DCP1B: variants seen among roughly 807,000 people sequenced by gnomAD.
DCP1B encodes the protein decapping mRNA 1B, also known as mRNA-decapping enzyme 1B.
In DCP1B, 47 loss-of-function variants were observed where a neutral mutation model predicts 60.5. The observed-to-expected ratio is 0.78, with a 90% CI of 0.61 to 0.99. The LOEUF (loss-of-function observed/expected upper bound fraction) is 0.99. DCP1B is among the 50% of genes least tolerant of loss of function. The pLI, the probability that DCP1B is intolerant of heterozygous loss-of-function variation, is 0.00. For missense variants in DCP1B, 725 were observed against 756.8 expected (o/e 0.96, Z 0.49); for synonymous variants, 267 against 280.3 (o/e 0.95, Z 0.47).
intron 7 of DCP1B, chr12:1,950,378 C>T: frequency 2.8e-6 from 2 of 702,344 alleles, no homozygotes; most frequent in Non-Finnish European, 5.2e-6. Context: ...TTTGTGAGTA[C>T]TGAAAAGTCA....
chr12:2,000,738 T>A (rs957375149), intron 1 of DCP1B, among the ~76,000 whole-genome samples: 1 of 152,130 alleles, frequency 6.6e-6, no homozygotes, highest in African/African-American at 2.4e-5. Context: ...AGTTTCTCCA[T>A]TGAAAAGAGA....
At chr12:1,992,862 CAA>C in intron 3 of DCP1B, 1 of 423,434 alleles carries the variant, frequency 2.4e-6, no homozygotes, top group Non-Finnish European at 4.2e-6. Context: ...CTCACTCGGC[CAA>C]AAGTGATACA....
At position 1,949,277 on chromosome 12, in the gene DCP1B, TG is replaced by T. The variant is rs773965946; in HGVS notation, c.1581del (p.Met528TrpfsTer44). 2 of 1,613,964 alleles carry T rather than the reference TG, an allele frequency of 1.2e-6. No homozygotes were observed. The highest frequency in any genetic ancestry group is 1.7e-6 in the Non-Finnish European group (2 of 1,179,988). On this transcript the variant is annotated frameshift_variant, in exon 8 of 9. Transcript: ENST00000280665. LOFTEE classifies it high-confidence loss of function. ...ACGGAGGTGGGTTGTGCGAACACCA[TG>T]GGGGACATAAGCAGAGACGGAGCTG... ...ATAAPSLLMS[P>X]MVFAQPTSVP...
chr12:1,972,937 C>T (rs545975352), intron 3 of DCP1B, among the ~76,000 whole-genome samples: 87 of 152,298 alleles, frequency 5.7e-4, no homozygotes, highest in Middle Eastern at 3.4e-3. Flanking sequence ...GCAGCAATGA[C>T]GCTGCCTGTG....
At chr12:1,950,493 TAAC>T in intron 7 of DCP1B, 1 of 690,386 alleles carries the variant, frequency 1.4e-6, no homozygotes, top group East Asian at 2.7e-5. Context: ...AAAGGGACAA[TAAC>T]ACTGAAATGA....
Position 1,967,928 on chromosome 12 carries a change from C to T in DCP1B, c.320-18G>A, listed in dbSNP as rs1474275442. 1.2e-6 allele frequency: 2 copies of T among 1,603,936 alleles called. No homozygotes were observed. The highest frequency in any genetic ancestry group is 2.2e-5 in the South Asian group (2 of 89,298). On this transcript the variant is annotated intron_variant, in intron 3 of 8. Transcript: ENST00000280665. ...GATGGACACTGCAAAAAACACACAT[C>T]AAACAAATTATGAGCATCTTCAAAA...
intron 5 of DCP1B, chr12:1,961,235 T>C (rs1441052536): frequency 1.3e-5 from 2 of 152,078 alleles, no homozygotes; most frequent in Non-Finnish European, 2.9e-5. Context: ...CAAATATTTG[T>C]AGAGGGTAGT....
downstream of DCP1B, chr12:1,945,968 A>G (rs2030403917): frequency 3.4e-6 from 1 of 296,214 alleles, no homozygotes; most frequent in African/African-American, 2.2e-5. Flanking sequence ...CCACCATGGC[A>G]TGTGTATACC....
intron 2 of DCP1B, among the ~76,000 whole-genome samples, chr12:1,997,478 G>A (rs74768843): frequency 0.16 from 23,674 of 152,246 alleles, 1,943 homozygotes; most frequent in East Asian, 0.21. Flanking sequence ...CAAGAGCTGT[G>A]ATCGTGCCAC....
intron 3 of DCP1B, among the ~76,000 whole-genome samples, chr12:1,985,240 C>T (rs1312818152): frequency 6.6e-6 from 1 of 152,066 alleles, no homozygotes; most frequent in Non-Finnish European, 1.5e-5. Flanking sequence ...ACTTCAATGG[C>T]ACAAATTAGA....
chr12:1,966,341 G>A (rs553726381), intron 4 of DCP1B, among the ~76,000 whole-genome samples: 203 of 152,304 alleles, frequency 1.3e-3, no homozygotes, highest in Non-Finnish European at 1.8e-3. Flanking sequence ...TTAGAGCAAC[G>A]AGGAGTTCTT....
chr12:1,953,409 G>T, intron 6 of DCP1B, 121 bp from the exon 7 acceptor site: 1 of 1,159,300 alleles, frequency 8.6e-7, no homozygotes, highest in Non-Finnish European at 1.1e-6. Context: ...TAGAGAGAAT[G>T]AAAAATAATA....
intron 6 of DCP1B, 126 bp from the exon 7 acceptor site, chr12:1,953,414 A>G (rs1426120439): frequency 8.7e-7 from 1 of 1,145,352 alleles, no homozygotes; most frequent in Non-Finnish European, 1.2e-6. Flanking sequence ...AGAATGAAAA[A>G]TAATAATAAT....
In DCP1B at chr12:1,952,639, A is replaced by C; in HGVS notation, c.1301T>G (p.Leu434Arg). The change falls in exon 7 of 9, where the codon CTC becomes CGC. Residue 434 changes from leucine to arginine, a missense_variant. Physicochemically the swap from Leu to Arg is moderately radical, Grantham distance 102. Coordinates refer to ENST00000280665, the MANE Select transcript of DCP1B (RefSeq NM_152640.5). ...GCCAGTCTGACTACCAGAGATGGGG[A>C]GTGTTTGTCTTGGGAGTGTGGACTG... ...REQSTLPRQT[L>R]PISGSQTGSS... The C allele has an allele frequency of 6.2e-7, 1 of 1,613,918 alleles. No individual in the cohort carries two copies. The highest frequency in any genetic ancestry group is 8.5e-7 in the Non-Finnish European group (1 of 1,179,990).
At chr12:2,004,184 C>G (rs1281907442) in intron 1 of DCP1B, 98 bp downstream of exon 1, 1 of 1,535,736 alleles carries the variant, frequency 6.5e-7, no homozygotes, top group Admixed American at 1.9e-5. Context: ...AGGGCGTCAA[C>G]GTCTCCTCCC....
rs186924151 is a variant in DCP1B at position 1,948,249 on chromosome 12, T to C, written c.1773+837A>G. ...CCTGTGCTGAATGTTCTCCCGAGGC[T>C]GGTCCCTGCCAACATTCATGTGGTG... On this transcript the variant is annotated intron_variant, in intron 8 of 8. Transcript: ENST00000280665. The surrounding 1 kb of genome is among the most constrained non-coding windows in gnomAD (Gnocchi z 4.8). 5.6e-4 allele frequency among the ~76,000 whole-genome samples: 85 copies of C among 152,360 alleles called. No homozygotes were observed. Among genetic ancestry groups the C allele is most frequent in the Middle Eastern group, 6.8e-3 (2 of 294 alleles).
chr12:1,996,532 A>G (rs1254307738), intron 2 of DCP1B, among the ~76,000 whole-genome samples: 1 of 147,526 alleles, frequency 6.8e-6, no homozygotes, highest in Non-Finnish European at 1.5e-5. Flanking sequence ...GGGGTGTCCA[A>G]TCTTTTGGCC....
At chr12:2,004,103 C>A in intron 1 of DCP1B, 179 bp downstream of exon 1, 1 of 849,896 alleles carries the variant, frequency 1.2e-6, no homozygotes, top group African/African-American at 1.7e-5. Context: ...ACAGATCCGC[C>A]TTCCTTCCCC....
intron 2 of DCP1B, among the ~76,000 whole-genome samples, chr12:1,995,876 C>T (rs575666109): frequency 1.3e-5 from 2 of 152,260 alleles, no homozygotes; most frequent in East Asian, 3.9e-4. Context: ...CCATCTCCAG[C>T]CCTGCCCTTA....
Sources: gnomAD v4.1 joint callset for allele counts (sites outside exome capture counted in the v4.1 genomes callset) on GRCh38, gnomAD v4.1.1 for gene constraint, Gnocchi (gnomAD v3.1) non-coding constraint, MANE v1.5 for transcripts, NCBI Gene and HGNC (gene_info 2026-07-23, HGNC 2026-07-21) for gene names.